Variants in SLC12A7 observed in about 807,000 individuals in gnomAD.
The protein encoded by SLC12A7 is solute carrier family 12 member 7.
In SLC12A7, 100 loss-of-function variants were observed where a neutral mutation model predicts 120.6. The observed-to-expected ratio is 0.83, with a 90% CI of 0.71 to 0.98. The LOEUF is 0.98. Among genes scored for constraint, SLC12A7 ranks in the 50% least tolerant of loss-of-function variants. SLC12A7 has a pLI of 0.00. For synonymous variants in SLC12A7, 760 were observed against 678.0 expected, an observed-to-expected ratio of 1.12 and a Z score of -1.88; for missense variants, 1,373 against 1,548.1, an observed-to-expected ratio of 0.89 and a Z score of 1.90.
the SLC12A7 span, among the ~76,000 whole-genome samples, chr5:1,127,216 T>A: frequency 6.6e-6 from 1 of 152,186 alleles, no homozygotes; most frequent in Non-Finnish European, 1.5e-5. Flanking sequence ...GGTTTCACTG[T>A]GTTGACCAGG....
chr5:1,114,146 C>A (rs1174045299), upstream of SLC12A7, among the ~76,000 whole-genome samples: 1 of 152,208 alleles, frequency 6.6e-6, no homozygotes, highest in African/African-American at 2.4e-5. Flanking sequence ...AGTTTAGGGT[C>A]CTGTGGCAGC....
At chr5:1,090,283 C>A (rs1250342772) in intron 3 of SLC12A7, among the ~76,000 whole-genome samples, 1 of 152,184 alleles carries the variant, frequency 6.6e-6, no homozygotes, top group Non-Finnish European at 1.5e-5. Flanking sequence ...TAGGGCTCCA[C>A]CAACTTTAGG....
chr5:1,088,469 C>T (rs370592893), intron 4 of SLC12A7, 109 bp from the exon 5 acceptor site: 17 of 1,175,782 alleles, frequency 1.4e-5, no homozygotes, highest in Admixed American at 4.0e-5. Context: ...TGCCAGCCCC[C>T]AACTCCAGGG....
At chr5:1,141,432 TGCCACGGGCACCACAGCC>T in the SLC12A7 span, among the ~76,000 whole-genome samples, 12 of 152,120 alleles carry the variant, frequency 7.9e-5, no homozygotes, top group African/African-American at 1.7e-4. Context: ...CCGTCCCTGC[TGCCACGGGCACCACAGCC>T]GCCATGGGCA....
intron 1 of SLC12A7, among the ~76,000 whole-genome samples, chr5:1,098,072 G>A (rs545479144): frequency 6.7e-6 from 1 of 150,348 alleles, no homozygotes; most frequent in African/African-American, 2.5e-5. Context: ...CTAACCTTCT[G>A]CACACCCAGC....
At chr5:1,140,128 C>A in the SLC12A7 span, among the ~76,000 whole-genome samples, 1 of 152,238 alleles carries the variant, frequency 6.6e-6, no homozygotes, top group Non-Finnish European at 1.5e-5. Flanking sequence ...CGCCGTCCTG[C>A]CCTCAGAAGG....
chr5:1,097,604 G>T (rs1741399223), intron 1 of SLC12A7, among the ~76,000 whole-genome samples: 1 of 152,202 alleles, frequency 6.6e-6, no homozygotes, highest in Non-Finnish European at 1.5e-5. Context: ...CCCTGCGTGT[G>T]GGGCCAGCGA....
rs746333907 is a variant in SLC12A7, at chr5:1,081,624, G to A, written c.1250C>T (p.Ala417Val). 16 of 1,610,986 alleles carry A rather than the reference G, an allele frequency of 9.9e-6. No homozygotes were observed. The highest frequency in any genetic ancestry group is 3.3e-5 in the Admixed American group (2 of 59,970). Residue 417 changes from alanine (A) to valine (V), a missense_variant, in exon 9 of 24, where the codon GCG becomes GTG. By Grantham distance (64) the Ala-to-Val change is moderately conservative. Transcript: ENST00000264930. ...GCCAACCAGCAGGGTGAAGGAGGCC[G>A]CGATGTCGGTGAGCACGTAGGGCAG... Reference protein sequence around the residue: ...SALPYVLTDIAASFTLLVGIY... With the variant: ...SALPYVLTDIVASFTLLVGIY...
chr5:1,080,473 T>TG (rs1642140079), intron 9 of SLC12A7, among the ~76,000 whole-genome samples: 1 of 152,180 alleles, frequency 6.6e-6, no homozygotes, highest in Admixed American at 6.5e-5. Flanking sequence ...GCCAGCGCTG[T>TG]GGCCAGGCCC....
At chr5:1,106,685 G>T (rs1742557094) in intron 1 of SLC12A7, among the ~76,000 whole-genome samples, 1 of 152,198 alleles carries the variant, frequency 6.6e-6, no homozygotes, top group Non-Finnish European at 1.5e-5. Context: ...GCCCTGGGAA[G>T]GCTCCCTGGT....
At chr5:1,076,370 G>T in intron 13 of SLC12A7, 134 bp from the exon 14 acceptor site, 1 of 387,492 alleles carries the variant, frequency 2.6e-6, no homozygotes, top group South Asian at 3.7e-5. Flanking sequence ...CTCTGCACGT[G>T]AGCTGACTCA....
chr5:1,118,375 G>T, the SLC12A7 span, among the ~76,000 whole-genome samples: 1 of 152,244 alleles, frequency 6.6e-6, no homozygotes, highest in African/African-American at 2.4e-5. Context: ...TGAACAGAGA[G>T]ATAAGAAGAT....
rs368103602 is a variant in SLC12A7 at position 1,063,133 on chromosome 5, C to T, written c.2739+711G>A. ...GGCAAGCGCTCCAATGCCAGGCCTC[C>T]GCCCATCAACCCCGTCCTCTCCAGG... is the stretch of plus-strand genomic sequence containing the variant. On this transcript the variant is annotated intron_variant, in intron 20 of 23. Coordinates refer to ENST00000264930, the MANE Select transcript of SLC12A7 (RefSeq NM_006598.3). Among the ~76,000 whole-genome samples, 11 of 152,302 alleles carry T rather than the reference C, an allele frequency of 7.2e-5. No individual in the cohort carries two copies. The East Asian group carries it at 1.2e-3, about 16-fold the overall frequency.
chr5:1,089,640 G>A (rs549082796), intron 3 of SLC12A7, among the ~76,000 whole-genome samples: 18 of 152,148 alleles, frequency 1.2e-4, no homozygotes, highest in Admixed American at 1.2e-3. Flanking sequence ...ATCTTAACCG[G>A]GCACGGAGGT....
chr5:1,111,068 C>A (rs1369641747), intron 1 of SLC12A7, among the ~76,000 whole-genome samples: 1 of 152,222 alleles, frequency 6.6e-6, no homozygotes, highest in Non-Finnish European at 1.5e-5. Flanking sequence ...CGGGCACTGC[C>A]AGCACGCGGG....
At chr5:1,139,112 C>T in the SLC12A7 span, among the ~76,000 whole-genome samples, 6 of 152,218 alleles carry the variant, frequency 3.9e-5, no homozygotes, top group African/African-American at 9.6e-5. Flanking sequence ...TGGGAGCCTC[C>T]GATGGTCCCC....
chr5:1,090,323 C>T (rs925852237), intron 3 of SLC12A7, among the ~76,000 whole-genome samples: 2 of 152,188 alleles, frequency 1.3e-5, no homozygotes, highest in Non-Finnish European at 2.9e-5. Context: ...AAGAGCAGCT[C>T]GGAGCGTGGG....
chr5:1,096,126 G>C (rs1234522763), intron 1 of SLC12A7, among the ~76,000 whole-genome samples: 1 of 152,222 alleles, frequency 6.6e-6, no homozygotes, highest in African/African-American at 2.4e-5. Context: ...TTAACTCCCT[G>C]ATTCTGGTGA....
chr5:1,123,714 G>A, the SLC12A7 span, among the ~76,000 whole-genome samples: 7 of 152,234 alleles, frequency 4.6e-5, no homozygotes, highest in African/African-American at 1.2e-4. Context: ...CCAAGGAGCC[G>A]GGATCGGGGC....
Sources: allele counts gnomAD v4.1 joint callset (sites outside exome capture counted in the v4.1 genomes callset), GRCh38; gene constraint gnomAD v4.1.1; transcripts MANE v1.5; gene names NCBI Gene and HGNC (gene_info 2026-07-23, HGNC 2026-07-21).